Variants in FOXP2 observed in about 807,000 individuals in gnomAD.
The protein encoded by FOXP2 is forkhead box P2, also known as forkhead box protein P2.
FOXP2 carries 12 observed loss-of-function variants against 115.8 expected under a neutral mutation model. That is an observed-to-expected ratio of 0.10 (90% confidence interval 0.07 to 0.17). The LOEUF is 0.17. Among genes scored for constraint, FOXP2 ranks in the 10% least tolerant of loss-of-function variants. The probability of loss-of-function intolerance (pLI) is 1.00; values close to 1 mark genes in which losing one functional copy is unlikely to be tolerated. For missense variants in FOXP2, 629 were observed against 843.5 expected, an observed-to-expected ratio of 0.75 and a Z score of 3.15; for synonymous variants, 328 against 297.7, an observed-to-expected ratio of 1.10 and a Z score of -1.05.
intron 1 of FOXP2, among the ~76,000 whole-genome samples, chr7:114,275,716 G>T (rs1340803723): frequency 1.3e-5 from 2 of 152,132 alleles, no homozygotes; most frequent in Admixed American, 6.6e-5. Context: ...TTCAAATTAT[G>T]ATTTTTGCCT....
intron 2 of FOXP2, among the ~76,000 whole-genome samples, chr7:114,458,037 A>G (rs886571205): frequency 2.0e-5 from 3 of 152,246 alleles, no homozygotes; most frequent in East Asian, 1.9e-4. Context: ...TGTAATGACA[A>G]TAATGACAAT....
At chr7:114,339,424 CT>C (rs1443739593) in intron 2 of FOXP2, among the ~76,000 whole-genome samples, 4 of 151,014 alleles carry the variant, frequency 2.6e-5, no homozygotes, top group African/African-American at 7.2e-5. Flanking sequence ...TTTTTGTGAA[CT>C]TTTTTTTAGA....
intron 2 of FOXP2, among the ~76,000 whole-genome samples, chr7:114,459,610 T>A (rs1486988447): frequency 1.3e-5 from 2 of 152,150 alleles, no homozygotes; most frequent in African/African-American, 4.8e-5. Flanking sequence ...TTTTTGTTTG[T>A]TTTTGTTTGT....
At chr7:114,381,278 G>A (rs1792285643) in intron 2 of FOXP2, among the ~76,000 whole-genome samples, 2 of 152,180 alleles carry the variant, frequency 1.3e-5, no homozygotes, top group African/African-American at 4.8e-5. Flanking sequence ...GGTATGAGCA[G>A]AGCTGAGCCT....
rs554897219 is a variant in FOXP2 at position 114,204,985 on chromosome 7, CT to C, written c.-102+41901del. ...TTCGCCCAGATCAGAATTTTATTGC[CT>C]TTTGCCGTAGACTGCTGCAAGATTT... On this transcript the variant is annotated intron_variant, in intron 1 of 17. Coordinates refer to the FOXP2 transcript ENST00000634411. Among the ~76,000 whole-genome samples, 613 of 151,458 alleles carry C rather than the reference CT, an allele frequency of 4.0e-3. 6 individuals are homozygous for C. The highest frequency in any genetic ancestry group is 0.013 in the African/African-American group (553 of 41,276).
At chr7:114,468,436 T>G (rs1795904993) in intron 2 of FOXP2, among the ~76,000 whole-genome samples, 1 of 152,150 alleles carries the variant, frequency 6.6e-6, no homozygotes, top group Admixed American at 6.6e-5. Context: ...TCCAAACTAC[T>G]TAAGGTGACA....
At chr7:114,250,718 T>A (rs1795419221) in intron 1 of FOXP2, among the ~76,000 whole-genome samples, 2 of 152,176 alleles carry the variant, frequency 1.3e-5, no homozygotes. Flanking sequence ...GATGAGTAGA[T>A]TGCAAAAATT....
chr7:114,388,533 T>G (rs1454484840), intron 2 of FOXP2, among the ~76,000 whole-genome samples: 1 of 152,152 alleles, frequency 6.6e-6, no homozygotes, highest in African/African-American at 2.4e-5. Context: ...TTTGGAGTTT[T>G]CCCATTACAT....
chr7:114,174,559 A>G (rs1793236312), intron 1 of FOXP2, among the ~76,000 whole-genome samples: 2 of 152,042 alleles, frequency 1.3e-5, no homozygotes, highest in Non-Finnish European at 2.9e-5. Flanking sequence ...ACAGAATAAT[A>G]TACTGCTCCA....
intron 3 of FOXP2, among the ~76,000 whole-genome samples, chr7:114,590,417 A>T (rs1445407850): frequency 6.6e-6 from 1 of 152,140 alleles, no homozygotes; most frequent in Non-Finnish European, 1.5e-5. Context: ...TGACTCTCCA[A>T]ACTAGGGATC....
chr7:114,504,598 T>C (rs1166285899), intron 2 of FOXP2, among the ~76,000 whole-genome samples: 1 of 151,658 alleles, frequency 6.6e-6, no homozygotes, highest in Non-Finnish European at 1.5e-5. Context: ...GGTTTACCTA[T>C]TAAAATATTT....
intron 3 of FOXP2, among the ~76,000 whole-genome samples, chr7:114,544,617 A>G (rs973152442): frequency 6.6e-6 from 1 of 152,258 alleles, no homozygotes; most frequent in Non-Finnish European, 1.5e-5. Flanking sequence ...TGACAAACCA[A>G]GGAACACATT....
chr7:114,671,941 T>C (rs948719750), intron 16 of FOXP2, among the ~76,000 whole-genome samples: 2 of 152,206 alleles, frequency 1.3e-5, no homozygotes, highest in African/African-American at 4.8e-5. Flanking sequence ...AGAAGTAACA[T>C]GTTATACTTG....
rs114064742 is a variant in FOXP2, at chr7:114,576,473, G to A, written c.258+41767G>A. 5.3e-3 allele frequency among the ~76,000 whole-genome samples: 807 copies of A among 151,912 alleles called. 4 individuals are homozygous for A. Among genetic ancestry groups the A allele is most frequent in the African/African-American group, 0.016 (667 of 41,500 alleles). ...AGCAGACATTTTTCAATGGAGGATCGTCTTTGAAATTTATAATGAATAATT... is the reference window on the plus strand; with the variant it reads ...AGCAGACATTTTTCAATGGAGGATCATCTTTGAAATTTATAATGAATAATT... On this transcript the variant is annotated intron_variant, in intron 3 of 16. Coordinates refer to ENST00000350908, the MANE Select transcript of FOXP2 (RefSeq NM_014491.4).
chr7:114,144,425 T>A (rs1335094100), intron 1 of FOXP2, among the ~76,000 whole-genome samples: 1 of 152,178 alleles, frequency 6.6e-6, no homozygotes, highest in African/African-American at 2.4e-5. Flanking sequence ...ATTTTAATAG[T>A]CGTTAGTATT....
chr7:114,575,666 A>C (rs934131987), intron 3 of FOXP2, among the ~76,000 whole-genome samples: 2 of 151,872 alleles, frequency 1.3e-5, no homozygotes, highest in African/African-American at 4.8e-5. Flanking sequence ...ACGTAAGGAA[A>C]AGTGATTGTC....
At chr7:114,105,402 C>T (rs184923050) in intron 1 of FOXP2, among the ~76,000 whole-genome samples, 292 of 152,060 alleles carry the variant, frequency 1.9e-3, no homozygotes, top group African/African-American at 6.6e-3. Context: ...TGGGAATACA[C>T]GTTTTCCATA....
upstream of FOXP2, among the ~76,000 whole-genome samples, chr7:114,409,742 C>A (rs1437012425): frequency 2.6e-5 from 4 of 152,026 alleles, no homozygotes; most frequent in Non-Finnish European, 5.9e-5. Flanking sequence ...TTTCTCATTC[C>A]TATCTCTTCA....
chr7:114,553,072 TA>T (rs57017873), intron 3 of FOXP2, among the ~76,000 whole-genome samples: 26,049 of 151,434 alleles, frequency 0.17, 2,678 homozygotes, highest in African/African-American at 0.29. Context: ...ACTGTGAAAT[TA>T]AAAAAAAACT....
Sources: gnomAD v4.1 joint callset for allele counts (sites outside exome capture counted in the v4.1 genomes callset) on GRCh38, gnomAD v4.1.1 for gene constraint, MANE v1.5 for transcripts, NCBI Gene and HGNC (gene_info 2026-07-23, HGNC 2026-07-21) for gene names.